Variants in CRACD observed in about 807,000 individuals in gnomAD.
The protein encoded by CRACD is capping protein-inhibiting regulator of actin dynamics.
In CRACD, 56 loss-of-function variants were observed where a neutral mutation model predicts 106.8. That is an observed-to-expected ratio of 0.52 (90% CI 0.42 to 0.66). CRACD has a LOEUF of 0.66. CRACD is among the 30% of genes least tolerant of loss of function. CRACD has a pLI of 0.00. For synonymous variants in CRACD, 754 were observed against 670.8 expected, an observed-to-expected ratio of 1.12 and a Z score of -1.92; for missense variants, 1,730 against 1,623.2, an observed-to-expected ratio of 1.07 and a Z score of -1.13.
At chr4:56,192,158 G>A (rs866752344) in intron 2 of CRACD, among the ~76,000 whole-genome samples, 3 of 152,150 alleles carry the variant, frequency 2.0e-5, no homozygotes, top group African/African-American at 4.8e-5. Flanking sequence ...TTGGGAGGCC[G>A]AGGCGGGAGG....
chr4:56,180,096 T>C (rs139702717), intron 2 of CRACD, among the ~76,000 whole-genome samples: 2 of 152,282 alleles, frequency 1.3e-5, no homozygotes, highest in East Asian at 3.9e-4. Flanking sequence ...TTGTGTCTCA[T>C]GGTGCTTTTG....
intron 2 of CRACD, among the ~76,000 whole-genome samples, chr4:56,199,083 G>C (rs985763007): frequency 1.3e-5 from 2 of 152,086 alleles, no homozygotes; most frequent in Non-Finnish European, 2.9e-5. Context: ...ATATACAGTA[G>C]GCAAGCCCAC....
chr4:56,163,599 A>T (rs1396800588), intron 1 of CRACD, among the ~76,000 whole-genome samples: 1 of 152,194 alleles, frequency 6.6e-6, no homozygotes, highest in Admixed American at 6.5e-5. Context: ...TTCTAATGGG[A>T]CCAAATTGCT....
Position 56,327,830 on chromosome 4 carries a change from G to A in CRACD, c.*26G>A, listed in dbSNP as rs1198357242. 1 of 1,590,818 alleles carries A rather than the reference G, an allele frequency of 6.3e-7. No homozygotes were observed. Among genetic ancestry groups the A allele is most frequent in the Admixed American group, 1.7e-5 (1 of 58,286 alleles). On this transcript the variant is annotated 3_prime_UTR_variant, in exon 11 of 11. Transcript: ENST00000682029. Reference sequence around the variant, plus strand: ...AGAGTGACTCTCACCCATCCCTACTGCCAGTTATTGGCTCCTCTCTTGCCC... The same window carrying A: ...AGAGTGACTCTCACCCATCCCTACTACCAGTTATTGGCTCCTCTCTTGCCC...
At chr4:56,256,164 G>A (rs188477486) in intron 2 of CRACD, among the ~76,000 whole-genome samples, 78 of 152,266 alleles carry the variant, frequency 5.1e-4, no homozygotes, top group African/African-American at 1.8e-3. Flanking sequence ...CCATAATTCC[G>A]ACATGTTGTG....
At chr4:56,054,099 G>C (rs938155934) in intron 1 of CRACD, among the ~76,000 whole-genome samples, 1 of 152,024 alleles carries the variant, frequency 6.6e-6, no homozygotes, top group Non-Finnish European at 1.5e-5. Context: ...CTTATTGGGT[G>C]GTCATTGTAA....
intron 1 of CRACD, among the ~76,000 whole-genome samples, chr4:56,075,029 A>C (rs894862326): frequency 6.6e-6 from 1 of 152,184 alleles, no homozygotes; most frequent in Non-Finnish European, 1.5e-5. Context: ...CATCCCAGGG[A>C]TGAAGCCGAC....
intron 2 of CRACD, among the ~76,000 whole-genome samples, chr4:56,203,142 T>G (rs777875455): frequency 3.3e-5 from 5 of 152,190 alleles, no homozygotes; most frequent in Non-Finnish European, 7.3e-5. Flanking sequence ...ATTCTAAAAC[T>G]TCACATTATT....
intron 2 of CRACD, among the ~76,000 whole-genome samples, chr4:56,265,453 A>G (rs987265835): frequency 6.6e-6 from 1 of 151,068 alleles, no homozygotes; most frequent in East Asian, 1.9e-4. Flanking sequence ...TATGAAATAT[A>G]TGGTACCAAA....
rs1262292877 is a variant in CRACD at position 56,076,621 on chromosome 4, T to C, written c.-336+27322T>C. ...CTGGGCCTTTATGCATATCATTCCC[T>C]CTGCCTGGAAAGACAGGTCCCTACC... is the stretch of plus-strand genomic sequence containing the variant. On this transcript the variant is annotated intron_variant, in intron 1 of 10. Coordinates refer to ENST00000682029, the MANE Select transcript of CRACD (RefSeq NM_001393381.1). Among the ~76,000 whole-genome samples, 5 of 152,236 alleles carry C rather than the reference T, an allele frequency of 3.3e-5. No homozygotes were observed. The East Asian group carries it at 9.6e-4, about 29-fold the overall frequency.
intron 2 of CRACD, among the ~76,000 whole-genome samples, chr4:56,189,392 T>C (rs1737255272): frequency 6.6e-6 from 1 of 152,154 alleles, no homozygotes; most frequent in Non-Finnish European, 1.5e-5. Flanking sequence ...ATTTCTTTTT[T>C]TAAAAAAATT....
At chr4:56,318,884 C>A (rs185094580) in intron 8 of CRACD, among the ~76,000 whole-genome samples, 8 of 152,326 alleles carry the variant, frequency 5.3e-5, no homozygotes, top group African/African-American at 1.9e-4. Context: ...GCTATACTTA[C>A]ACTTAACAAC....
chr4:56,289,577 G>A (rs142219752), intron 3 of CRACD, among the ~76,000 whole-genome samples: 114 of 152,126 alleles, frequency 7.5e-4, no homozygotes, highest in African/African-American at 2.7e-3. Flanking sequence ...GGAGGCTGAG[G>A]TGGGAGGATC....
At chr4:56,121,637 C>T (rs547148501) in intron 1 of CRACD, among the ~76,000 whole-genome samples, 2 of 150,062 alleles carry the variant, frequency 1.3e-5, no homozygotes, top group East Asian at 4.0e-4. Context: ...GAGCAAGACT[C>T]TGTCTTGAAA....
At chr4:56,074,594 G>A (rs924192808) in intron 1 of CRACD, among the ~76,000 whole-genome samples, 5 of 152,132 alleles carry the variant, frequency 3.3e-5, no homozygotes, top group Admixed American at 2.6e-4. Flanking sequence ...GGGCTGAGAC[G>A]ATGGTGTTTT....
Position 56,313,377 on chromosome 4 carries a change from C to A in CRACD, c.535C>A (p.Gln179Lys). ...GTCAAAGAAGCACAGGCGCCTTGCC[C>A]AGGTGTGTAGAGCCTGCACGGGCTG... ...RVSKKHRRLA[Q>K]DPQHEQGGLE... The change falls in exon 7 of 11, where the codon CAG becomes AAG. Residue 179 changes from glutamine to lysine, a missense_variant and splice_region_variant. Transcript: ENST00000682029. The A allele has an allele frequency of 6.2e-7, 1 of 1,613,080 alleles. No individual in the cohort carries two copies. Among genetic ancestry groups the A allele is most frequent in the Non-Finnish European group, 8.5e-7 (1 of 1,179,746 alleles).
intron 3 of CRACD, among the ~76,000 whole-genome samples, chr4:56,274,178 T>C (rs1742531616): frequency 6.6e-6 from 1 of 152,248 alleles, no homozygotes; most frequent in African/African-American, 2.4e-5. Flanking sequence ...GCTGTTGGAA[T>C]GTTGTCCCAG....
chr4:56,314,274 A>G lies in CRACD; in HGVS notation c.772A>G (p.Arg258Gly). The change falls in exon 8 of 11, where the codon AGG (arginine) becomes GGG (glycine). Residue 258 changes from arginine (R) to glycine (G), a missense_variant. Arg to Gly is a moderately radical substitution (Grantham distance 125). This residue lies in a region of CRACD where 1,620 missense variants were observed against 1,481.6 expected (regional missense o/e 1.09). Transcript: ENST00000682029. The surrounding 1 kb of genome is among the most constrained non-coding windows in gnomAD (Gnocchi z 4.4). ...GGAGCAGAGGCTGCAGGCGCTGGAG[A>G]GGAGGCTTTGGGAAGAGAACAGAAG... Reference protein sequence around the residue: ...LEEQRLQALERRLWEENRRQE... With the variant: ...LEEQRLQALEGRLWEENRRQE... The G allele has an allele frequency of 1.3e-6, 2 of 1,561,976 alleles. No individual in the cohort carries two copies. Among genetic ancestry groups the G allele is most frequent in the South Asian group, 1.2e-5 (1 of 85,092 alleles).
At chr4:56,218,109 G>C (rs1738809777) in intron 2 of CRACD, among the ~76,000 whole-genome samples, 1 of 152,030 alleles carries the variant, frequency 6.6e-6, no homozygotes, top group African/African-American at 2.4e-5. Context: ...TATTGGATTA[G>C]GGCCACCCTA....
Sources: gnomAD v4.1 joint callset for allele counts (sites outside exome capture counted in the v4.1 genomes callset) on GRCh38, gnomAD v4.1.1 for gene constraint, gnomAD v4.1.1 regional missense constraint, Gnocchi (gnomAD v3.1) non-coding constraint, MANE v1.5 for transcripts, NCBI Gene and HGNC (gene_info 2026-07-23, HGNC 2026-07-21) for gene names.